The following NRXN3 variants were observed in gnomAD, a reference collection of about 807,000 sequenced individuals.
NRXN3 encodes neurexin III.
Under a neutral mutation model 137.6 loss-of-function variants are expected in NRXN3, and 32 were observed. That is an observed-to-expected ratio of 0.23 (90% CI 0.18 to 0.31). NRXN3 has a LOEUF of 0.31. Among genes scored for constraint, NRXN3 ranks in the 10% least tolerant of loss-of-function variants. The probability of loss-of-function intolerance (pLI) is 1.00; values close to 1 mark genes in which losing one functional copy is unlikely to be tolerated. For synonymous variants in NRXN3, 798 were observed against 784.5 expected (o/e 1.02, Z -0.29); for missense variants, 1,574 against 2,062.5 (o/e 0.76, Z 4.59).
chr14:79,634,057 G>A (rs1003549418), intron 16 of NRXN3, among the ~76,000 whole-genome samples: 1 of 151,896 alleles, frequency 6.6e-6, no homozygotes, highest in East Asian at 1.9e-4. Flanking sequence ...CTATCCTCAC[G>A]AAAGAGTGTT....
At chr14:79,606,237 A>AAAAT (rs970405812) in intron 16 of NRXN3, among the ~76,000 whole-genome samples, 38 of 152,202 alleles carry the variant, frequency 2.5e-4, no homozygotes, top group Admixed American at 2.5e-3. Context: ...CATGAAGGCC[A>AAAAT]AAATAAATAA....
intron 16 of NRXN3, among the ~76,000 whole-genome samples, chr14:79,621,813 A>G (rs2153900225): frequency 6.6e-6 from 1 of 152,342 alleles, no homozygotes; most frequent in South Asian, 2.1e-4. Flanking sequence ...CAGCTTTCTC[A>G]GTTACAATGC....
rs869266975 is a variant in NRXN3, at chr14:79,059,250, C to CTTTTTTTTTTTTTTT, written c.3262+71120_3262+71134dup. 6.6e-4 allele frequency among the ~76,000 whole-genome samples: 52 copies of CTTTTTTTTTTTTTTT among 78,268 alleles called. 4 individuals carry two copies. The highest frequency in any genetic ancestry group is 9.8e-4 in the Non-Finnish European group (40 of 40,674). The allele number at this position is 78,268 out of a possible 152,430, so 51.3% of individuals were successfully genotyped here. A position where few individuals can be genotyped will look rare whatever the true frequency, so the allele number is the denominator to read the frequency against. On this transcript the variant is annotated intron_variant, in intron 15 of 20. Coordinates refer to ENST00000335750, the MANE Select transcript of NRXN3 (RefSeq NM_001330195.2). ...AAGAAGGCTGCCTTCAGGCCCTATTCTTTTTTTTTTTTTTTTTTTTTTTTT... is the reference window on the plus strand; with the variant it reads ...AAGAAGGCTGCCTTCAGGCCCTATTCTTTTTTTTTTTTTTTTTTTTTTTTTTTTTTTTTTTTTTTT...
intron 4 of NRXN3, among the ~76,000 whole-genome samples, chr14:78,421,622 G>A (rs1039525165): frequency 1.3e-5 from 2 of 152,092 alleles, no homozygotes; most frequent in African/African-American, 4.8e-5. Context: ...ATTCTCCAGA[G>A]AAACAGACAA....
chr14:79,799,261 A>G (rs921322686), intron 19 of NRXN3, among the ~76,000 whole-genome samples: 1 of 152,226 alleles, frequency 6.6e-6, no homozygotes, highest in East Asian at 1.9e-4. Flanking sequence ...ATGTAGTAGT[A>G]TGAATTATTG....
chr14:79,125,466 TG>T (rs1361193768), intron 15 of NRXN3, among the ~76,000 whole-genome samples: 1 of 152,212 alleles, frequency 6.6e-6, no homozygotes, highest in Admixed American at 6.5e-5. Context: ...TAGGCCATCT[TG>T]TCTTTATTGA....
intron 10 of NRXN3, among the ~76,000 whole-genome samples, chr14:78,894,163 C>G (rs1437054659): frequency 6.6e-6 from 1 of 151,896 alleles, no homozygotes; most frequent in Non-Finnish European, 1.5e-5. Flanking sequence ...TATCAATTAA[C>G]TCTTGCTTTT....
In NRXN3 at chr14:79,617,470, AG is replaced by A. The variant is rs2098169862; in HGVS notation, c.3445-46307del. On this transcript the variant is annotated intron_variant, in intron 16 of 20. Transcript: ENST00000335750. The stretch of plus-strand genomic sequence containing the variant: ...CACTAAATTTCAAGAGAGCAGTTAA[AG>A]AATAATACAAAACTTTGAAGCACTA... Among the ~76,000 whole-genome samples the A allele has an allele frequency of 3.3e-5, 5 of 152,294 alleles. No homozygotes were observed. The South Asian group carries it at 1.0e-3, about 32-fold the overall frequency.
chr14:78,478,622 G>A (rs549374610), intron 4 of NRXN3, among the ~76,000 whole-genome samples: 2 of 152,242 alleles, frequency 1.3e-5, no homozygotes, highest in South Asian at 4.1e-4. Flanking sequence ...AGAATTAATG[G>A]CTAATGCTTA....
At chr14:78,172,860 G>C (rs1043986228) in intron 1 of NRXN3, among the ~76,000 whole-genome samples, 2 of 152,160 alleles carry the variant, frequency 1.3e-5, no homozygotes, top group African/African-American at 2.4e-5. Context: ...AGACAGCTAC[G>C]TCTTTGCTTC....
At chr14:79,498,489 T>A (rs1403161962) in intron 16 of NRXN3, among the ~76,000 whole-genome samples, 1 of 152,156 alleles carries the variant, frequency 6.6e-6, no homozygotes, top group Non-Finnish European at 1.5e-5. Context: ...AAAATGGAAT[T>A]CTTGATCCCC....
chr14:78,857,529 A>AGT (rs1367967056), intron 10 of NRXN3, among the ~76,000 whole-genome samples: 2 of 152,050 alleles, frequency 1.3e-5, no homozygotes, highest in Non-Finnish European at 2.9e-5. Flanking sequence ...AAAGTCATCC[A>AGT]GTGTGTGTGT....
At chr14:78,618,421 C>T (rs948960857) in intron 4 of NRXN3, among the ~76,000 whole-genome samples, 1 of 152,182 alleles carries the variant, frequency 6.6e-6, no homozygotes, top group Non-Finnish European at 1.5e-5. Flanking sequence ...CGCAAACCTA[C>T]ACTGGCAATG....
At position 78,250,206 on chromosome 14, in the gene NRXN3, C is replaced by G. The variant is rs191128239; in HGVS notation, c.709+6404C>G. 493 of 407,952 alleles carry G rather than the reference C, an allele frequency of 1.2e-3. 1 individual carries two copies. Among genetic ancestry groups the G allele is most frequent in the Non-Finnish European group, 1.4e-3 (287 of 205,688 alleles). 25.3% of individuals were successfully genotyped at this position (407,952 alleles called of 1,614,324 possible). A position where few individuals can be genotyped will look rare whatever the true frequency, so the allele number is the denominator to read the frequency against. ...AGTCTGGCTTCAGAGCCTACACTGT[C>G]AACCACCATGCTATCTTGACTCTCA... On this transcript the variant is annotated intron_variant, in intron 2 of 20. Transcript: ENST00000335750.
intron 8 of NRXN3, among the ~76,000 whole-genome samples, chr14:78,778,239 T>C (rs1320111247): frequency 6.6e-6 from 1 of 152,240 alleles, no homozygotes; most frequent in East Asian, 1.9e-4. Flanking sequence ...TCAGCTATCC[T>C]TGAGAATGGT....
At chr14:79,818,078 C>T (rs1477731217) in intron 20 of NRXN3, among the ~76,000 whole-genome samples, 3 of 98,290 alleles carry the variant, frequency 3.1e-5, no homozygotes, top group Non-Finnish European at 5.5e-5. Context: ...TTTTTTGAGA[C>T]GGAGTCTCGC....
At chr14:78,232,200 G>A (rs2065516580) in intron 1 of NRXN3, among the ~76,000 whole-genome samples, 1 of 152,254 alleles carries the variant, frequency 6.6e-6, no homozygotes, top group African/African-American at 2.4e-5. Context: ...TGTCTGGTCT[G>A]GGTTCACACA....
At chr14:79,503,702 A>G (rs1213065083) in intron 16 of NRXN3, among the ~76,000 whole-genome samples, 1 of 152,158 alleles carries the variant, frequency 6.6e-6, no homozygotes, top group African/African-American at 2.4e-5. Flanking sequence ...GAGAACTTCA[A>G]GAGGTGAACA....
Position 79,141,244 on chromosome 14 carries a change from T to C in NRXN3, c.3262+153103T>C, listed in dbSNP as rs116158883. Among the ~76,000 whole-genome samples, 543 of 152,326 alleles carry C rather than the reference T, an allele frequency of 3.6e-3. 2 individuals carry two copies. The highest frequency in any genetic ancestry group is 0.012 in the African/African-American group (514 of 41,586). On this transcript the variant is annotated intron_variant, in intron 15 of 20. Transcript: ENST00000335750. ...GTCAAGAAAGGTCAAGCTGTCTCCATTGATTTGAAAGTAGATTGTACCTAC... is the reference window on the plus strand; with the variant it reads ...GTCAAGAAAGGTCAAGCTGTCTCCACTGATTTGAAAGTAGATTGTACCTAC...
Sources: allele counts gnomAD v4.1 joint callset (sites outside exome capture counted in the v4.1 genomes callset), GRCh38; gene constraint gnomAD v4.1.1; transcripts MANE v1.5; gene names NCBI Gene and HGNC (gene_info 2026-07-23, HGNC 2026-07-21).